CSMD3: variants seen among roughly 807,000 people sequenced by gnomAD.
The protein encoded by CSMD3 is CUB and sushi domain-containing protein 3.
A neutral mutation model predicts 435.2 loss-of-function variants in CSMD3; 177 were observed. The observed-to-expected ratio is 0.41, with a 90% CI of 0.36 to 0.46. The LOEUF (loss-of-function observed/expected upper bound fraction) is 0.46. CSMD3 is among the 20% of genes least tolerant of loss of function. The pLI is 0.34. For missense variants in CSMD3, 4,265 were observed against 4,504.6 expected (o/e 0.95, Z 1.52); for synonymous variants, 1,656 against 1,520.5 (o/e 1.09, Z -2.07).
chr8:113,340,633 G>A (rs1219075387), intron 1 of CSMD3, among the ~76,000 whole-genome samples: 1 of 152,076 alleles, frequency 6.6e-6, no homozygotes, highest in Non-Finnish European at 1.5e-5. Flanking sequence ...CCAGCACTTT[G>A]AGAGGCGAAG....
At chr8:112,558,331 C>T (rs1177315112) in intron 24 of CSMD3, among the ~76,000 whole-genome samples, 4 of 151,872 alleles carry the variant, frequency 2.6e-5, no homozygotes, top group East Asian at 1.9e-4. Context: ...CTGCCCCATA[C>T]CCTGGAAAGG....
In CSMD3 at chr8:112,652,040, C is replaced by CTATA. The variant is rs1310866174; in HGVS notation, c.3005-1695_3005-1692dup. Among the ~76,000 whole-genome samples, 3 of 152,232 alleles carry CTATA rather than the reference C, an allele frequency of 2.0e-5. No individual in the cohort carries two copies. The East Asian group carries it at 5.8e-4, about 29-fold the overall frequency. On this transcript the variant is annotated intron_variant, in intron 18 of 70. Coordinates refer to ENST00000297405, the MANE Select transcript of CSMD3 (RefSeq NM_198123.2). Reference sequence around the variant, plus strand: ...CAGTATCTTTCATCTCCAATTTATTCTATATAAAATGTTGGACATACGTAT... The same window carrying CTATA: ...CAGTATCTTTCATCTCCAATTTATTCTATATATATAAAATGTTGGACATACGTAT...
chr8:112,477,327 T>C (rs1819154098), intron 31 of CSMD3, among the ~76,000 whole-genome samples: 1 of 152,228 alleles, frequency 6.6e-6, no homozygotes, highest in African/African-American at 2.4e-5. Flanking sequence ...AAGATGCTTA[T>C]AATATGACTG....
chr8:113,306,599 T>C (rs2093823374), intron 2 of CSMD3, among the ~76,000 whole-genome samples: 1 of 151,982 alleles, frequency 6.6e-6, no homozygotes, highest in Admixed American at 6.6e-5. Context: ...AGGCATCAAG[T>C]ATAGTGAGGA....
intron 22 of CSMD3, among the ~76,000 whole-genome samples, chr8:112,594,438 G>T (rs1267414466): frequency 6.6e-6 from 1 of 152,200 alleles, no homozygotes; most frequent in African/African-American, 2.4e-5. Flanking sequence ...GCCAGGCTGG[G>T]GGAGGGGCGC....
At chr8:112,846,318 C>T (rs1357003671) in intron 11 of CSMD3, among the ~76,000 whole-genome samples, 1 of 149,170 alleles carries the variant, frequency 6.7e-6, no homozygotes, top group African/African-American at 2.5e-5. Context: ...TTCCTTCCTT[C>T]CTTTCCTTTC....
chr8:112,261,514 G>T (rs1001695339), intron 61 of CSMD3, among the ~76,000 whole-genome samples: 2 of 151,688 alleles, frequency 1.3e-5, no homozygotes, highest in African/African-American at 4.8e-5. Context: ...TTACATTCAC[G>T]TGTATGCATG....
chr8:112,569,448 C>A (rs533777491), intron 24 of CSMD3, among the ~76,000 whole-genome samples: 1 of 152,238 alleles, frequency 6.6e-6, no homozygotes, highest in South Asian at 2.1e-4. Flanking sequence ...ACTGTGTCTA[C>A]CAGGCCATTT....
At chr8:112,501,831 T>C (rs888885756) in intron 30 of CSMD3, among the ~76,000 whole-genome samples, 1 of 152,198 alleles carries the variant, frequency 6.6e-6, no homozygotes, top group Non-Finnish European at 1.5e-5. Context: ...TTAACTTTGA[T>C]ATAGCCATAT....
chr8:112,574,801 C>T (rs1020371206), intron 23 of CSMD3, among the ~76,000 whole-genome samples: 14 of 151,830 alleles, frequency 9.2e-5, no homozygotes, highest in Non-Finnish European at 1.9e-4. Flanking sequence ...TGAACAATAA[C>T]AACAAGAAAA....
At chr8:112,689,474 A>G (rs2076085458) in intron 14 of CSMD3, among the ~76,000 whole-genome samples, 1 of 152,076 alleles carries the variant, frequency 6.6e-6, no homozygotes, top group Non-Finnish European at 1.5e-5. Context: ...TGCATTATAC[A>G]TACAATATAA....
chr8:112,713,151 G>T (rs1186443962), intron 13 of CSMD3, among the ~76,000 whole-genome samples: 1 of 152,036 alleles, frequency 6.6e-6, no homozygotes, highest in Non-Finnish European at 1.5e-5. Flanking sequence ...CATGGGGCAG[G>T]GGAGATCCCA....
chr8:112,468,121 T>C (rs768102730), intron 32 of CSMD3, among the ~76,000 whole-genome samples: 5 of 152,194 alleles, frequency 3.3e-5, no homozygotes, highest in Non-Finnish European at 5.9e-5. Flanking sequence ...ATTTCAATAT[T>C]TCATGTGAAA....
rs534607906 is a variant in CSMD3, at chr8:112,482,078, T to C, written c.5279-9371A>G. ...ACCATTTTAATGACTCAATAAGTCATGTTAGGATGTAAGCTTCTACACCTG... is the reference window on the plus strand; with the variant it reads ...ACCATTTTAATGACTCAATAAGTCACGTTAGGATGTAAGCTTCTACACCTG... On this transcript the variant is annotated intron_variant, in intron 31 of 70. Transcript: ENST00000297405. 3.0e-4 allele frequency among the ~76,000 whole-genome samples: 45 copies of C among 152,288 alleles called. No homozygotes were observed. In the South Asian group the frequency reaches 9.1e-3, roughly 31 times the overall value.
intron 4 of CSMD3, among the ~76,000 whole-genome samples, chr8:113,106,891 A>T (rs199607350): frequency 5.7e-5 from 2 of 35,122 alleles, no homozygotes; most frequent in Admixed American, 1.2e-3. Context: ...TATAACTCAC[A>T]TGTGTTCACC....
At chr8:112,410,995 ACTCT>A in intron 32 of CSMD3, among the ~76,000 whole-genome samples, 1 of 125,780 alleles carries the variant, frequency 8.0e-6, no homozygotes, top group East Asian at 3.2e-4. Flanking sequence ...GCATCCTTTA[ACTCT>A]TTCTTTCTAT....
intron 13 of CSMD3, among the ~76,000 whole-genome samples, chr8:112,781,219 G>A (rs1048430975): frequency 6.6e-6 from 1 of 152,054 alleles, no homozygotes; most frequent in Admixed American, 6.6e-5. Context: ...ACCCAGGCCT[G>A]GAAGGATTCT....
chr8:112,793,445 A>G (rs2078745077), intron 13 of CSMD3, among the ~76,000 whole-genome samples: 1 of 151,992 alleles, frequency 6.6e-6, no homozygotes, highest in Non-Finnish European at 1.5e-5. Context: ...TTTAAAATAA[A>G]GAAAGACATG....
intron 10 of CSMD3, among the ~76,000 whole-genome samples, chr8:112,861,816 C>T (rs1486913220): frequency 2.6e-5 from 4 of 151,854 alleles, no homozygotes; most frequent in Non-Finnish European, 4.4e-5. Flanking sequence ...ATTGAATATA[C>T]TCCTTCTCTG....
Sources: gnomAD v4.1 joint callset for allele counts (sites outside exome capture counted in the v4.1 genomes callset) on GRCh38, gnomAD v4.1.1 for gene constraint, MANE v1.5 for transcripts, NCBI Gene and HGNC (gene_info 2026-07-23, HGNC 2026-07-21) for gene names.